Variants in STXBP5L observed in about 807,000 individuals in gnomAD.
The protein encoded by STXBP5L is syntaxin binding protein 5L.
Under a neutral mutation model 144.5 loss-of-function variants are expected in STXBP5L, and 65 were observed. The observed-to-expected ratio is 0.45, with a 90% CI of 0.37 to 0.55. The LOEUF (loss-of-function observed/expected upper bound fraction) is 0.55, where lower values mean the gene tolerates loss of function less well. Among genes scored for constraint, STXBP5L ranks in the 20% least tolerant of loss-of-function variants. STXBP5L has a pLI of 0.00. For synonymous variants in STXBP5L, 505 were observed against 469.6 expected, an observed-to-expected ratio of 1.08 and a Z score of -0.97; for missense variants, 1,298 against 1,405.5, an observed-to-expected ratio of 0.92 and a Z score of 1.22.
intron 9 of STXBP5L, among the ~76,000 whole-genome samples, chr3:121,195,929 G>A (rs900892305): frequency 3.9e-5 from 6 of 152,088 alleles, no homozygotes; most frequent in Non-Finnish European, 8.8e-5. Flanking sequence ...ATGCTTTTTA[G>A]TTTGATTCAG....
At chr3:121,149,532 A>T (rs995131347) in intron 7 of STXBP5L, among the ~76,000 whole-genome samples, 1 of 152,090 alleles carries the variant, frequency 6.6e-6, no homozygotes, top group South Asian at 2.1e-4. Context: ...AGAAAAAAAT[A>T]AAGTAGTCTC....
At chr3:121,111,391 C>T (rs1244848023) in intron 5 of STXBP5L, among the ~76,000 whole-genome samples, 3 of 152,110 alleles carry the variant, frequency 2.0e-5, no homozygotes, top group Admixed American at 6.5e-5. Flanking sequence ...CTTTGGTCTT[C>T]GAGGCTGCTG....
intron 2 of STXBP5L, among the ~76,000 whole-genome samples, chr3:120,933,557 T>C (rs1489208843): frequency 6.6e-6 from 1 of 152,190 alleles, no homozygotes; most frequent in Non-Finnish European, 1.5e-5. Context: ...TATTTGGTAA[T>C]AAGATAGCCA....
chr3:120,946,721 C>G (rs1355711692), intron 2 of STXBP5L, among the ~76,000 whole-genome samples: 1 of 151,726 alleles, frequency 6.6e-6, no homozygotes, highest in Non-Finnish European at 1.5e-5. Flanking sequence ...ATCCTGGTCC[C>G]TTTGTGTTCC....
rs1003803792 is a variant in STXBP5L at position 121,235,848 on chromosome 3, C to T, written c.1184+2160C>T. Among the ~76,000 whole-genome samples, 12 of 148,444 alleles carry T rather than the reference C, an allele frequency of 8.1e-5. No homozygotes were observed. In the South Asian group the frequency reaches 8.6e-4, roughly 11 times the overall value. On this transcript the variant is annotated intron_variant, in intron 12 of 26. Coordinates refer to ENST00000471454, the MANE Select transcript of STXBP5L (RefSeq NM_001308330.2). ...ACACACACACACACACACATACACA[C>T]ACACACACACACACACTATATTCTC...
Position 121,418,394 on chromosome 3 carries a change from C to G in STXBP5L, c.3284C>G (p.Pro1095Arg), listed in dbSNP as rs1306413969. ...AGCCTTGCGCAACACATTCCTGGACCAGGTAGTATAGAAGGGATGAAAGGC... is the reference window on the plus strand; with the variant it reads ...AGCCTTGCGCAACACATTCCTGGACGAGGTAGTATAGAAGGGATGAAAGGC... ...SRSLAQHIPG[P>R]GSIEGMKGAA... Residue 1095 changes from proline (P) to arginine (R), a missense_variant, in exon 26 of 27, where the codon CCA (proline) becomes CGA (arginine). Physicochemically the swap from Pro to Arg is moderately radical, Grantham distance 103. Transcript: ENST00000471454. 1 of 1,614,008 alleles carries G rather than the reference C, an allele frequency of 6.2e-7. No homozygotes were observed. The highest frequency in any genetic ancestry group is 8.5e-7 in the Non-Finnish European group (1 of 1,179,964).
intron 10 of STXBP5L, 100 bp downstream of exon 10, chr3:121,206,101 T>A (rs1156402450): frequency 1.5e-5 from 9 of 609,516 alleles, no homozygotes; most frequent in African/African-American, 1.9e-5. Context: ...TACAAAATTG[T>A]AAAGACAACT....
intron 7 of STXBP5L, among the ~76,000 whole-genome samples, chr3:121,136,774 C>T (rs916905147): frequency 2.6e-5 from 4 of 152,236 alleles, no homozygotes; most frequent in Non-Finnish European, 4.4e-5. Context: ...AAGACACATG[C>T]GTGTGTATGT....
At chr3:121,041,836 T>C in intron 4 of STXBP5L, 55 bp downstream of exon 4, 1 of 1,134,120 alleles carries the variant, frequency 8.8e-7, no homozygotes, top group Non-Finnish European at 1.3e-6. Context: ...ACACAGTGAA[T>C]CAGTTAATGT....
At chr3:121,409,183 C>A (rs1179039153) in intron 23 of STXBP5L, among the ~76,000 whole-genome samples, 1 of 151,560 alleles carries the variant, frequency 6.6e-6, no homozygotes, top group African/African-American at 2.4e-5. Context: ...TAAAAAGAAA[C>A]AAGAAATTGA....
intron 3 of STXBP5L, among the ~76,000 whole-genome samples, chr3:121,002,876 A>G (rs912803749): frequency 2.6e-5 from 4 of 151,874 alleles, no homozygotes; most frequent in South Asian, 2.1e-4. Flanking sequence ...CCCTACAAAG[A>G]ACATGAACTC....
rs547652707 is a variant in STXBP5L at position 121,125,902 on chromosome 3, G to A, written c.669+4198G>A. Among the ~76,000 whole-genome samples, 5 of 152,222 alleles carry A rather than the reference G, an allele frequency of 3.3e-5. No homozygotes were observed. The East Asian group carries it at 9.7e-4, about 29-fold the overall frequency. ...TTGACCAATGTTAGGCAAGAGACAAGTAATAAATTCTTCCTCTCTTCCTCC... is the reference window on the plus strand; with the variant it reads ...TTGACCAATGTTAGGCAAGAGACAAATAATAAATTCTTCCTCTCTTCCTCC... On this transcript the variant is annotated intron_variant, in intron 7 of 26. Transcript: ENST00000471454.
At chr3:120,954,300 C>T (rs1280662030) in intron 2 of STXBP5L, among the ~76,000 whole-genome samples, 2 of 152,038 alleles carry the variant, frequency 1.3e-5, no homozygotes, top group Non-Finnish European at 2.9e-5. Flanking sequence ...AATGTATATG[C>T]TTGTGTAATC....
At chr3:120,933,912 A>G (rs1382964928) in intron 2 of STXBP5L, among the ~76,000 whole-genome samples, 2 of 152,078 alleles carry the variant, frequency 1.3e-5, no homozygotes, top group Non-Finnish European at 2.9e-5. Flanking sequence ...TAGAGAGTGG[A>G]TTACTTTTAA....
At chr3:121,314,357 C>G (rs1047447570) in intron 19 of STXBP5L, among the ~76,000 whole-genome samples, 4 of 136,352 alleles carry the variant, frequency 2.9e-5, no homozygotes, top group African/African-American at 8.4e-5. Context: ...CTCGGGAGGC[C>G]GAGGCTGGCG....
At chr3:121,078,551 G>T (rs2042120643) in intron 5 of STXBP5L, among the ~76,000 whole-genome samples, 1 of 152,246 alleles carries the variant, frequency 6.6e-6, no homozygotes, top group South Asian at 2.1e-4. Context: ...GCCCTTGGGT[G>T]GTCGATGGGA....
intron 19 of STXBP5L, among the ~76,000 whole-genome samples, chr3:121,285,797 T>TA (rs1228356307): frequency 6.6e-6 from 1 of 152,106 alleles, no homozygotes; most frequent in East Asian, 1.9e-4. Flanking sequence ...ATATATAAAG[T>TA]AAAAATTGCA....
chr3:121,230,593 T>C (rs774928903), intron 11 of STXBP5L, among the ~76,000 whole-genome samples: 8 of 152,082 alleles, frequency 5.3e-5, no homozygotes, highest in African/African-American at 1.9e-4. Flanking sequence ...AAGTCAAACA[T>C]GAATTTGAAA....
chr3:121,264,913 A>T (rs2050509999), intron 18 of STXBP5L, among the ~76,000 whole-genome samples: 1 of 152,174 alleles, frequency 6.6e-6, no homozygotes, highest in South Asian at 2.1e-4. Context: ...TAAAGGGATC[A>T]ATGTAGCAAG....
Sources: allele counts gnomAD v4.1 joint callset (sites outside exome capture counted in the v4.1 genomes callset), GRCh38; gene constraint gnomAD v4.1.1; transcripts MANE v1.5; gene names NCBI Gene and HGNC (gene_info 2026-07-23, HGNC 2026-07-21).